Variants in SDK1 observed in about 807,000 individuals in gnomAD.
The protein encoded by SDK1 is protein sidekick-1.
A neutral mutation model predicts 245.5 loss-of-function variants in SDK1; 157 were observed. That is an observed-to-expected ratio of 0.64 (90% CI 0.56 to 0.73). The LOEUF is 0.73. Ranked by LOEUF, SDK1 falls within the 30% of genes least tolerant of loss-of-function variation. SDK1 has a pLI of 0.00. For synonymous variants in SDK1, 1,647 were observed against 1,278.5 expected, an observed-to-expected ratio of 1.29 and a Z score of -6.15; for missense variants, 3,583 against 3,002.3, an observed-to-expected ratio of 1.19 and a Z score of -4.52.
chr7:3,696,572 T>TTGTGTGTGTG lies in SDK1; in HGVS notation c.713+54487_713+54496dup, dbSNP rs71552319. Among the ~76,000 whole-genome samples, 400 of 148,002 alleles carry TTGTGTGTGTG rather than the reference T, an allele frequency of 2.7e-3. 3 individuals carry two copies. The highest frequency in any genetic ancestry group is 9.3e-3 in the African/African-American group (373 of 39,944). ...TCACAGAGCTTACATTTCTCTGTGT[T>TTGTGTGTGTG]TGTGTGTGTGTGTGTGTGTGTGTGT... is the stretch of plus-strand genomic sequence containing the variant. On this transcript the variant is annotated intron_variant, in intron 4 of 44. Coordinates refer to ENST00000404826, the MANE Select transcript of SDK1 (RefSeq NM_152744.4).
At chr7:3,669,223 A>G (rs1021877382) in intron 4 of SDK1, among the ~76,000 whole-genome samples, 2 of 152,244 alleles carry the variant, frequency 1.3e-5, no homozygotes, top group Admixed American at 6.5e-5. Context: ...CCCAAATTAT[A>G]AGAGCATGGA....
intron 1 of SDK1, among the ~76,000 whole-genome samples, chr7:3,456,978 C>T (rs918996234): frequency 6.6e-6 from 1 of 152,160 alleles, no homozygotes; most frequent in Non-Finnish European, 1.5e-5. Flanking sequence ...ATAGGACTCC[C>T]CCGATCCTTG....
intron 4 of SDK1, among the ~76,000 whole-genome samples, chr7:3,666,596 T>C (rs904064986): frequency 2.0e-5 from 3 of 152,208 alleles, no homozygotes; most frequent in Non-Finnish European, 4.4e-5. Flanking sequence ...CTTCTCTGTA[T>C]ATCATAAGCT....
intron 1 of SDK1, among the ~76,000 whole-genome samples, chr7:3,594,552 G>A (rs193016406): frequency 5.9e-5 from 9 of 152,144 alleles, no homozygotes; most frequent in African/African-American, 1.4e-4. Context: ...TTACATTGCC[G>A]CCGGTCATGT....
intron 1 of SDK1, among the ~76,000 whole-genome samples, chr7:3,574,979 C>G (rs1186736130): frequency 6.6e-6 from 1 of 152,030 alleles, no homozygotes; most frequent in Non-Finnish European, 1.5e-5. Context: ...TCTGGAGTTA[C>G]CCTTTCTGCC....
chr7:3,824,683 G>GGA (rs1233299575), intron 5 of SDK1, among the ~76,000 whole-genome samples: 1 of 152,170 alleles, frequency 6.6e-6, no homozygotes, highest in East Asian at 1.9e-4. Context: ...CCTTGTACTT[G>GGA]AGAGTTCAAA....
intron 1 of SDK1, among the ~76,000 whole-genome samples, chr7:3,365,207 T>C (rs1206760179): frequency 6.6e-6 from 1 of 151,810 alleles, no homozygotes; most frequent in Non-Finnish European, 1.5e-5. Context: ...CATACAGGAG[T>C]AGATTGTTTG....
At chr7:3,724,021 T>C (rs1053383194) in intron 4 of SDK1, among the ~76,000 whole-genome samples, 8 of 146,852 alleles carry the variant, frequency 5.4e-5, no homozygotes, top group African/African-American at 2.0e-4. Flanking sequence ...TGGAGTACAG[T>C]GGTGTGATCT....
chr7:3,529,656 C>T (rs1783274488), intron 1 of SDK1, among the ~76,000 whole-genome samples: 1 of 151,942 alleles, frequency 6.6e-6, no homozygotes, highest in Admixed American at 6.6e-5. Context: ...GTGGTTGGTT[C>T]AAGTGGTAGT....
rs144773179 is a variant in SDK1 at position 3,955,775 on chromosome 7, T to G, written c.1151-3156T>G. On this transcript the variant is annotated intron_variant, in intron 7 of 44. Transcript: ENST00000404826. ...AAAAATGCATGGTGTTGTTGGGGGG[T>G]CCTTCTCCACTGCGGTTGCCTCCAT... is the stretch of plus-strand genomic sequence containing the variant. Among the ~76,000 whole-genome samples, 500 of 151,974 alleles carry G rather than the reference T, an allele frequency of 3.3e-3. 3 individuals carry two copies. The highest frequency in any genetic ancestry group is 0.011 in the African/African-American group (474 of 41,442).
At chr7:3,455,579 AT>A (rs1334402735) in intron 1 of SDK1, among the ~76,000 whole-genome samples, 1 of 152,128 alleles carries the variant, frequency 6.6e-6, no homozygotes, top group African/African-American at 2.4e-5. Flanking sequence ...CGTGTAAAAA[AT>A]TAGCTGGGCA....
Position 3,839,143 on chromosome 7 carries a change from G to A in SDK1, c.847+17560G>A, listed in dbSNP as rs150445627. On this transcript the variant is annotated intron_variant, in intron 5 of 44. Coordinates refer to ENST00000404826, the MANE Select transcript of SDK1 (RefSeq NM_152744.4). ...GGATCCGCCTGAGAACACGCCTGGG[G>A]TCTTCCCTCTCAGCTGTCCTTTCAC... is the stretch of plus-strand genomic sequence containing the variant. Among the ~76,000 whole-genome samples the A allele has an allele frequency of 3.3e-5, 5 of 152,274 alleles. No homozygotes were observed. In the East Asian group the frequency reaches 9.7e-4, roughly 29 times the overall value.
At chr7:4,098,923 C>A (rs1034438070) in intron 22 of SDK1, among the ~76,000 whole-genome samples, 4 of 150,476 alleles carry the variant, frequency 2.7e-5, no homozygotes, top group African/African-American at 9.8e-5. Context: ...TCCTCCTGCC[C>A]CAGCCTCCCA....
chr7:4,134,069 A>T (rs553815830), intron 28 of SDK1, among the ~76,000 whole-genome samples: 1 of 152,270 alleles, frequency 6.6e-6, no homozygotes, highest in South Asian at 2.1e-4. Context: ...CCTTGTAGGT[A>T]ATCACTCCGG....
intron 1 of SDK1, among the ~76,000 whole-genome samples, chr7:3,472,201 G>GT (rs1193354175): frequency 3.3e-5 from 5 of 152,040 alleles, no homozygotes; most frequent in Admixed American, 6.5e-5. Context: ...TGCATTTCTA[G>GT]TTTTTTTAGA....
At chr7:4,146,138 A>C (rs183572726) in intron 29 of SDK1, among the ~76,000 whole-genome samples, 63 of 141,976 alleles carry the variant, frequency 4.4e-4, no homozygotes, top group Non-Finnish European at 8.3e-4. Flanking sequence ...CTGCTCTCTC[A>C]GACACGTGAG....
intron 1 of SDK1, among the ~76,000 whole-genome samples, chr7:3,531,915 G>T (rs1044465660): frequency 6.6e-6 from 1 of 152,136 alleles, no homozygotes; most frequent in Non-Finnish European, 1.5e-5. Flanking sequence ...TCATTTATTT[G>T]TACTAAAGTA....
intron 14 of SDK1, among the ~76,000 whole-genome samples, chr7:3,995,564 G>A (rs749491760): frequency 1.2e-4 from 19 of 152,202 alleles, no homozygotes; most frequent in Admixed American, 2.6e-4. Context: ...AGGCAAGACA[G>A]CAACACTAAT....
At chr7:4,064,633 C>T (rs1779753119) in intron 19 of SDK1, among the ~76,000 whole-genome samples, 1 of 152,182 alleles carries the variant, frequency 6.6e-6, no homozygotes, top group Non-Finnish European at 1.5e-5. Context: ...CAGCACCATT[C>T]ACAGTAGCCA....
Sources: allele counts gnomAD v4.1 joint callset (sites outside exome capture counted in the v4.1 genomes callset), GRCh38; gene constraint gnomAD v4.1.1; transcripts MANE v1.5; gene names NCBI Gene and HGNC (gene_info 2026-07-23, HGNC 2026-07-21).